The following ZNF655 variants were observed in gnomAD, a reference collection of about 807,000 sequenced individuals.
The protein encoded by ZNF655 is Vav-interacting Kruppel-like protein 1.
Under a neutral mutation model 6.6 loss-of-function variants are expected in ZNF655, and 3 were observed. The observed-to-expected ratio is 0.46, with a 90% confidence interval of 0.21 to 1.18. ZNF655 has a LOEUF of 1.18. Among genes scored for constraint, ZNF655 ranks in the 50% most tolerant of loss-of-function variants. The pLI is 0.24. For synonymous variants in ZNF655, 178 were observed against 195.0 expected (o/e 0.91, Z 0.73); for missense variants, 526 against 572.3 (o/e 0.92, Z 0.83).
chr7:99,567,707 TA>T (rs1803733864), intron 2 of ZNF655, among the ~76,000 whole-genome samples: 2 of 152,134 alleles, frequency 1.3e-5, no homozygotes, highest in Admixed American at 1.3e-4. Context: ...TCTTGGTTTA[TA>T]AAACATGAAA....
At chr7:99,561,721 C>G (rs1020838364) in intron 2 of ZNF655, among the ~76,000 whole-genome samples, 1 of 152,234 alleles carries the variant, frequency 6.6e-6, no homozygotes, top group African/African-American at 2.4e-5. Context: ...CATGCAAGTA[C>G]TGAGACGAAG....
At position 99,575,942 on chromosome 7, in the gene ZNF655, A is replaced by G. The variant is rs563296148; in HGVS notation, c.*2358A>G. 6.6e-6 allele frequency: 1 copy of G among 152,340 alleles called. No homozygotes were observed. The highest frequency in any genetic ancestry group is 2.1e-4 in the South Asian group (1 of 4,826). The allele number at this position is 152,340 out of a possible 1,614,324, so 9.4% of individuals were successfully genotyped here. On this transcript the variant is annotated 3_prime_UTR_variant, in exon 3 of 3. Coordinates refer to ENST00000252713, the MANE Select transcript of ZNF655 (RefSeq NM_138494.3). ...ACAAGAGTTCATGATTCTTTAGGTAATGTCAAAACATTTTGTATTTTTCCA... is the reference window on the plus strand; with the variant it reads ...ACAAGAGTTCATGATTCTTTAGGTAGTGTCAAAACATTTTGTATTTTTCCA...
At chr7:99,561,712 A>C (rs1485398676) in intron 2 of ZNF655, among the ~76,000 whole-genome samples, 1 of 152,248 alleles carries the variant, frequency 6.6e-6, no homozygotes, top group Admixed American at 6.5e-5. Context: ...CGCATAAGGC[A>C]TGCAAGTACT....
intron 2 of ZNF655, chr7:99,563,316 T>TTTTTA (rs1803355255): frequency 9.6e-6 from 2 of 208,030 alleles, no homozygotes; most frequent in African/African-American, 4.8e-5. Flanking sequence ...TATATTATAT[T>TTTTTA]TTTTATTTTA....
chr7:99,562,607 CT>C, intron 2 of ZNF655: 1 of 1,029,476 alleles, frequency 9.7e-7, no homozygotes, highest in Non-Finnish European at 1.4e-6. Flanking sequence ...GATTCCAGGA[CT>C]TAGAACCTCT....
chr7:99,564,927 CCTT>C (rs1340396744), intron 2 of ZNF655, among the ~76,000 whole-genome samples: 3 of 152,174 alleles, frequency 2.0e-5, no homozygotes, highest in African/African-American at 7.2e-5. Flanking sequence ...AGCAGCATCT[CCTT>C]AGCAGTTATT....
chr7:99,560,554 G>A lies in ZNF655; in HGVS notation c.-6G>A. On this transcript the variant is annotated 5_prime_UTR_variant, in exon 2 of 3. Coordinates refer to ENST00000252713, the MANE Select transcript of ZNF655 (RefSeq NM_138494.3). ...GCAGTGATGGTCATTGTCCTCCAGA[G>A]CAGTGATGGAGGAAATACCAGCCCA... The A allele has an allele frequency of 6.2e-7, 1 of 1,613,720 alleles. No homozygotes were observed. Among genetic ancestry groups the A allele is most frequent in the South Asian group, 1.1e-5 (1 of 91,048 alleles).
intron 1 of ZNF655, among the ~76,000 whole-genome samples, chr7:99,560,166 C>T (rs1803004078): frequency 6.6e-6 from 1 of 150,944 alleles, no homozygotes; most frequent in Non-Finnish European, 1.5e-5. Flanking sequence ...CTCACTGCCA[C>T]GTATGCCTTC....
In ZNF655 at chr7:99,572,318, A is replaced by C; in HGVS notation, c.210A>C (p.Lys70Asn). 1 of 1,613,522 alleles carries C rather than the reference A, an allele frequency of 6.2e-7. No homozygotes were observed. Among genetic ancestry groups the C allele is most frequent in the Non-Finnish European group, 8.5e-7 (1 of 1,179,914 alleles). The change falls in exon 3 of 3, where the codon AAA becomes AAC. Residue 70 changes from lysine (K) to asparagine (N), a missense_variant. Coordinates refer to ENST00000252713, the MANE Select transcript of ZNF655 (RefSeq NM_138494.3). Reference protein sequence around the residue: ...QKISEEVHSYKVRVGRLKHDI... With the variant: ...QKISEEVHSYNVRVGRLKHDI... ...TTTCGGAAGAAGTGCATTCATACAAAGTGAGAGTAGGAAGACTCAAACACG... is the reference window on the plus strand; with the variant it reads ...TTTCGGAAGAAGTGCATTCATACAACGTGAGAGTAGGAAGACTCAAACACG...
chr7:99,569,228 T>C (rs1803858676), intron 2 of ZNF655, among the ~76,000 whole-genome samples: 1 of 152,212 alleles, frequency 6.6e-6, no homozygotes, highest in Non-Finnish European at 1.5e-5. Flanking sequence ...ATTAGAAAAC[T>C]CAAGATTTAA....
Position 99,574,957 on chromosome 7 carries a change from A to T in ZNF655, c.*1373A>T, listed in dbSNP as rs1453679228. ...AGTGAAGCATCTTTTTTTAAAAAAG[A>T]ATTTGATTGACAATATATCCAGTCC... On this transcript the variant is annotated 3_prime_UTR_variant, in exon 3 of 3. Transcript: ENST00000252713. 6.6e-6 allele frequency: 1 copy of T among 152,296 alleles called. No individual in the cohort carries two copies. The highest frequency in any genetic ancestry group is 2.4e-5 in the African/African-American group (1 of 41,430). 9.4% of individuals were successfully genotyped at this position (152,296 alleles called of 1,614,324 possible).
chr7:99,562,605 G>A (rs1803284239), intron 2 of ZNF655: 2 of 1,090,976 alleles, frequency 1.8e-6, no homozygotes, highest in Non-Finnish European at 2.5e-6. Context: ...TAGATTCCAG[G>A]ACTTAGAACC....
chr7:99,566,648 C>A (rs1803655932), intron 2 of ZNF655, among the ~76,000 whole-genome samples: 1 of 152,174 alleles, frequency 6.6e-6, no homozygotes, highest in African/African-American at 2.4e-5. Flanking sequence ...GCCTGGACTT[C>A]CCTCCAGGCT....
At chr7:99,559,585 GGGCACCAACTT>G (rs1562930198) in intron 1 of ZNF655, among the ~76,000 whole-genome samples, 1 of 151,882 alleles carries the variant, frequency 6.6e-6, no homozygotes, top group Non-Finnish European at 1.5e-5. Context: ...ATTTTTCTCT[GGGCACCAACTT>G]GAGCCTCCAA....
chr7:99,573,023 T>C lies in ZNF655; in HGVS notation c.915T>C (p.Cys305=). 4 of 1,614,174 alleles carry C rather than the reference T, an allele frequency of 2.5e-6. No homozygotes were observed. The highest frequency in any genetic ancestry group is 3.4e-6 in the Non-Finnish European group (4 of 1,180,010). Residue 305 remains cysteine (C), a synonymous_variant, in exon 3 of 3, where the codon TGT becomes TGC. Coordinates refer to ENST00000252713, the MANE Select transcript of ZNF655 (RefSeq NM_138494.3). ...ACACCAGAGCCAAATCTTACAAATGTAGCAGTTGTGAAAGAGTCTTCAGTC... is the reference window on the plus strand; with the variant it reads ...ACACCAGAGCCAAATCTTACAAATGCAGCAGTTGTGAAAGAGTCTTCAGTC... ...KIHTRAKSYK[C]SSCERVFSRS... is the part of the protein sequence containing the mutation.
chr7:99,566,644 A>G (rs1803655668), intron 2 of ZNF655, among the ~76,000 whole-genome samples: 1 of 152,116 alleles, frequency 6.6e-6, no homozygotes, highest in South Asian at 2.1e-4. Flanking sequence ...TGCAGCCTGG[A>G]CTTCCCTCCA....
chr7:99,572,655 G>T lies in ZNF655; in HGVS notation c.547G>T (p.Asp183Tyr), dbSNP rs774684468. 6 of 1,613,704 alleles carry T rather than the reference G, an allele frequency of 3.7e-6. No homozygotes were observed. The highest frequency in any genetic ancestry group is 2.7e-5 in the African/African-American group (2 of 75,018). The part of the protein sequence containing the change: ...GKHEHLNLTE[D>Y]FQSSECKESL... ...ACATGAACACTTAAATCTAACAGAG[G>T]ATTTTCAGAGTAGTGAATGTAAGGA... Residue 183 changes from aspartate to tyrosine, a missense_variant, in exon 3 of 3, where the codon GAT becomes TAT. By Grantham distance (160) the Asp-to-Tyr change is radical. Transcript: ENST00000252713.
rs762638994 is a variant in ZNF655 at position 99,573,250 on chromosome 7, C to A, written c.1142C>A (p.Thr381Lys). The A allele has an allele frequency of 1.9e-6, 3 of 1,614,006 alleles. No individual in the cohort carries two copies. Among genetic ancestry groups the A allele is most frequent in the Non-Finnish European group, 1.7e-6 (2 of 1,180,008 alleles). ...QGIHFREKPYTCSECGKDFRL... is the reference protein window; with the variant it reads ...QGIHFREKPYKCSECGKDFRL... ...ATTCATTTCAGAGAAAAGCCCTATA[C>A]GTGTAGTGAATGTGGAAAAGACTTC... Residue 381 changes from threonine (T) to lysine (K), a missense_variant, in exon 3 of 3, where the codon ACG (threonine) becomes AAG (lysine). Physicochemically the swap from Thr to Lys is moderately conservative, Grantham distance 78. Transcript: ENST00000252713.
chr7:99,571,824 G>A (rs768496315), intron 2 of ZNF655: 1 of 1,471,816 alleles, frequency 6.8e-7, no homozygotes, highest in Admixed American at 2.0e-5. Context: ...AGAATTAGTA[G>A]GGAAGTAAAG....
Sources: gnomAD v4.1 joint callset for allele counts (sites outside exome capture counted in the v4.1 genomes callset) on GRCh38, gnomAD v4.1.1 for gene constraint, MANE v1.5 for transcripts, NCBI Gene and HGNC (gene_info 2026-07-23, HGNC 2026-07-21) for gene names.